CPM: variants seen among roughly 807,000 people sequenced by gnomAD.
CPM encodes renal carboxypeptidase.
In CPM, 35 loss-of-function variants were observed where a neutral mutation model predicts 46.4. The observed-to-expected ratio is 0.75, with a 90% CI of 0.58 to 1.00. The LOEUF (loss-of-function observed/expected upper bound fraction) is 1.00. CPM is among the 50% of genes least tolerant of loss of function. The probability of loss-of-function intolerance (pLI) is 0.00; values close to 1 mark genes in which losing one functional copy is unlikely to be tolerated. For missense variants in CPM, 422 were observed against 530.4 expected (o/e 0.80, Z 2.01); for synonymous variants, 195 against 195.3 (o/e 1.00, Z 0.01).
intron 1 of CPM, among the ~76,000 whole-genome samples, chr12:68,959,289 C>A (rs4351896): frequency 0.31 from 46,662 of 152,042 alleles, 7,561 homozygotes; most frequent in South Asian, 0.45. Flanking sequence ...AGCCAGTCCT[C>A]TCCATAGACT....
At chr12:68,951,379 C>T (rs1479216646) in intron 1 of CPM, among the ~76,000 whole-genome samples, 2 of 152,068 alleles carry the variant, frequency 1.3e-5, no homozygotes, top group Non-Finnish European at 1.5e-5. Flanking sequence ...GGCAAGTTAA[C>T]TAGAGTGTGG....
At position 68,924,466 on chromosome 12, in the gene CPM, C is replaced by T. The variant is rs563553712; in HGVS notation, c.160+8212G>A. 7.0e-5 allele frequency among the ~76,000 whole-genome samples: 9 copies of T among 128,380 alleles called. No homozygotes were observed. The East Asian group carries it at 8.7e-4, about 12-fold the overall frequency. 84.2% of individuals were successfully genotyped at this position (128,380 alleles called of 152,430 possible). ...CTGCACTCCAGCATGGGCGACAGAG[C>T]GAGACTCCATATAGAAAAAAAAAAA... is the stretch of plus-strand genomic sequence containing the variant. On this transcript the variant is annotated intron_variant, in intron 2 of 8. Coordinates refer to ENST00000551568, the MANE Select transcript of CPM (RefSeq NM_198320.5).
rs1175921379 is a variant in CPM at position 68,852,383 on chromosome 12, T to C, written c.*4054A>G. 3 of 152,162 alleles carry C rather than the reference T, an allele frequency of 2.0e-5. No individual in the cohort carries two copies. Among genetic ancestry groups the C allele is most frequent in the Non-Finnish European group, 2.9e-5 (2 of 68,048 alleles). 9.4% of individuals were successfully genotyped at this position (152,162 alleles called of 1,614,324 possible). A position where few individuals can be genotyped will look rare whatever the true frequency, so the allele number is the denominator to read the frequency against. On this transcript the variant is annotated 3_prime_UTR_variant, in exon 9 of 9. Coordinates refer to ENST00000551568, the MANE Select transcript of CPM (RefSeq NM_198320.5). ...CTTCAAAATACTTATTACCTGAGTGTTAACTATCATCTTTCCTCCACCTGA... is the reference window on the plus strand; with the variant it reads ...CTTCAAAATACTTATTACCTGAGTGCTAACTATCATCTTTCCTCCACCTGA...
chr12:68,916,324 G>C (rs142593610), intron 2 of CPM, among the ~76,000 whole-genome samples: 4 of 151,960 alleles, frequency 2.6e-5, no homozygotes, highest in Non-Finnish European at 4.4e-5. Context: ...TCTGTGCTCT[G>C]TTGAAGGCAA....
At chr12:68,934,718 C>T (rs1381929564), upstream of CPM, among the ~76,000 whole-genome samples, 1 of 152,118 alleles carries the variant, frequency 6.6e-6, no homozygotes, top group African/African-American at 2.4e-5. Flanking sequence ...TGCTCTGACA[C>T]TCAGTGGCTG....
At chr12:68,863,450 A>G (rs7970157) in intron 7 of CPM, among the ~76,000 whole-genome samples, 1,730 of 152,240 alleles carry the variant, frequency 0.011, 21 homozygotes, top group Middle Eastern at 0.041. Context: ...CCCTCATCTC[A>G]ACTTGAACCT....
At chr12:68,870,522 T>C in intron 4 of CPM, 123 bp from the exon 5 acceptor site, 2 of 803,882 alleles carry the variant, frequency 2.5e-6, no homozygotes, top group Non-Finnish European at 3.9e-6. Flanking sequence ...GTGTGGTGGA[T>C]GGCTGCCCTT....
chr12:68,912,182 T>A (rs1455859841), intron 2 of CPM, among the ~76,000 whole-genome samples: 1 of 152,168 alleles, frequency 6.6e-6, no homozygotes, highest in African/African-American at 2.4e-5. Flanking sequence ...TAATTTTGTA[T>A]TTTTAGTAGA....
At chr12:68,894,295 A>G (rs1471085225) in intron 2 of CPM, among the ~76,000 whole-genome samples, 1 of 152,218 alleles carries the variant, frequency 6.6e-6, no homozygotes, top group East Asian at 1.9e-4. Flanking sequence ...CTGCTAACCT[A>G]ACGGTGCCTG....
At chr12:68,928,920 T>C (rs1888387112) in intron 2 of CPM, among the ~76,000 whole-genome samples, 1 of 151,760 alleles carries the variant, frequency 6.6e-6, no homozygotes, top group Non-Finnish European at 1.5e-5. Flanking sequence ...AATTTTTTTT[T>C]TTTTTTTTAA....
intron 1 of CPM, among the ~76,000 whole-genome samples, chr12:68,939,384 CTA>C (rs1169555972): frequency 6.8e-6 from 1 of 147,832 alleles, no homozygotes. Context: ...AATATACATC[CTA>C]TATATATACA....
Position 68,854,418 on chromosome 12 carries a change from A to G in CPM, c.*2019T>C, listed in dbSNP as rs1179398069. 1 of 152,234 alleles carries G rather than the reference A, an allele frequency of 6.6e-6. No homozygotes were observed. Among genetic ancestry groups the G allele is most frequent in the Non-Finnish European group, 1.5e-5 (1 of 68,042 alleles). The allele number at this position is 152,234 out of a possible 1,614,324, so 9.4% of individuals were successfully genotyped here. A position where few individuals can be genotyped will look rare whatever the true frequency, so the allele number is the denominator to read the frequency against. ...AGAAGGCACACATGGAGAAGATTAT[A>G]ATACAATGTTGTAAATCCAATAGTA... On this transcript the variant is annotated 3_prime_UTR_variant, in exon 9 of 9. Transcript: ENST00000551568.
chr12:68,933,839 G>T (rs116352307), upstream of CPM, among the ~76,000 whole-genome samples: 35 of 152,344 alleles, frequency 2.3e-4, no homozygotes, highest in African/African-American at 8.2e-4. Flanking sequence ...GTGTAAATTA[G>T]AATTGAATTT....
chr12:68,958,062 G>T (rs1410857631), intron 1 of CPM, among the ~76,000 whole-genome samples: 1 of 152,144 alleles, frequency 6.6e-6, no homozygotes. Context: ...TGGTATACAT[G>T]TGCCACATTT....
intron 2 of CPM, among the ~76,000 whole-genome samples, chr12:68,893,211 TC>T (rs1420200234): frequency 6.8e-6 from 1 of 147,328 alleles, no homozygotes; most frequent in Non-Finnish European, 1.5e-5. Flanking sequence ...GTGGACAAAA[TC>T]CATTTGTACC....
chr12:68,890,410 T>C (rs779505971), intron 2 of CPM, among the ~76,000 whole-genome samples: 6 of 151,946 alleles, frequency 3.9e-5, no homozygotes, highest in African/African-American at 4.8e-5. Flanking sequence ...TAAGTGCAGA[T>C]ACTATGTGCC....
intron 3 of CPM, among the ~76,000 whole-genome samples, chr12:68,880,086 T>C (rs1461088071): frequency 1.5e-5 from 2 of 133,056 alleles, no homozygotes; most frequent in East Asian, 4.4e-4. Flanking sequence ...CAGCCTGCAC[T>C]GGCATCAACC....
intron 7 of CPM, among the ~76,000 whole-genome samples, chr12:68,862,604 T>C (rs1053599510): frequency 1.4e-5 from 2 of 139,706 alleles, no homozygotes; most frequent in African/African-American, 5.6e-5. Flanking sequence ...TCACTGTTAC[T>C]GGGCAAACAC....
At chr12:68,885,918 A>G (rs1232602578) in intron 2 of CPM, 29 bp from the exon 3 acceptor site, 2 of 1,585,678 alleles carry the variant, frequency 1.3e-6, no homozygotes, top group Middle Eastern at 1.7e-4. Flanking sequence ...AAAGATGGAA[A>G]AGTAAGTTGT....
Sources: allele counts gnomAD v4.1 joint callset (sites outside exome capture counted in the v4.1 genomes callset), GRCh38; gene constraint gnomAD v4.1.1; transcripts MANE v1.5; gene names NCBI Gene and HGNC (gene_info 2026-07-23, HGNC 2026-07-21).